CEP83: variants seen among roughly 807,000 people sequenced by gnomAD.
CEP83 encodes the protein centrosomal protein 83.
A neutral mutation model predicts 101.9 loss-of-function variants in CEP83; 70 were observed. The observed-to-expected ratio is 0.69, with a 90% CI of 0.57 to 0.84. CEP83 has a LOEUF of 0.84. CEP83 is among the 40% of genes least tolerant of loss of function. The pLI, the probability that CEP83 is intolerant of heterozygous loss-of-function variation, is 0.00. For synonymous variants in CEP83, 264 were observed against 267.9 expected (o/e 0.99, Z 0.14); for missense variants, 715 against 787.2 (o/e 0.91, Z 1.10).
intron 11 of CEP83, among the ~76,000 whole-genome samples, chr12:94,365,274 T>A (rs551728833): frequency 3.3e-5 from 5 of 152,202 alleles, no homozygotes; most frequent in Non-Finnish European, 7.3e-5. Context: ...CAATCTCATT[T>A]GTAATATGAG....
chr12:94,282,615 A>AT, the CEP83 span, among the ~76,000 whole-genome samples: 1 of 152,194 alleles, frequency 6.6e-6, no homozygotes, highest in Non-Finnish European at 1.5e-5. Flanking sequence ...TCAGAAGGCT[A>AT]TGATTTTCTA....
At chr12:94,290,850 T>G in the CEP83 span, among the ~76,000 whole-genome samples, 1 of 152,242 alleles carries the variant, frequency 6.6e-6, no homozygotes, top group Non-Finnish European at 1.5e-5. Flanking sequence ...ACTTAGCTGA[T>G]AAGGTTCAGA....
intron 4 of CEP83, among the ~76,000 whole-genome samples, chr12:94,408,590 T>A (rs115486860): frequency 2.0e-3 from 311 of 152,048 alleles, no homozygotes; most frequent in African/African-American, 6.7e-3. Context: ...ATACTAATAC[T>A]TTTTTTTGAG....
At chr12:94,417,327 A>C (rs2064354530) in intron 2 of CEP83, among the ~76,000 whole-genome samples, 1 of 152,062 alleles carries the variant, frequency 6.6e-6, no homozygotes, top group African/African-American at 2.4e-5. Context: ...TTAAAAAAAA[A>C]CAAAAACACA....
chr12:94,333,748 T>G, intron 12 of CEP83, 109 bp from the exon 13 acceptor site: 1 of 1,006,710 alleles, frequency 9.9e-7, no homozygotes, highest in Non-Finnish European at 1.5e-6. Flanking sequence ...TCCCTCAAGC[T>G]GGTGTGTCCT....
At chr12:94,328,582 G>A (rs2059072862) in intron 14 of CEP83, among the ~76,000 whole-genome samples, 1 of 152,152 alleles carries the variant, frequency 6.6e-6, no homozygotes, top group African/African-American at 2.4e-5. Flanking sequence ...TAAGAAGTCT[G>A]TTGCACTCTT....
At chr12:94,446,969 A>T (rs1342924954) in intron 1 of CEP83, among the ~76,000 whole-genome samples, 1 of 152,208 alleles carries the variant, frequency 6.6e-6, no homozygotes, top group Non-Finnish European at 1.5e-5. Flanking sequence ...CTTCACATAC[A>T]GGGCAACAAC....
intron 14 of CEP83, among the ~76,000 whole-genome samples, chr12:94,314,777 A>G (rs768892524): frequency 1.3e-5 from 2 of 152,194 alleles, no homozygotes; most frequent in African/African-American, 2.4e-5. Context: ...TTTTATCACC[A>G]TAAGTATTTA....
At chr12:94,313,527 T>TAAAAAAAAAAAA (rs58864740) in intron 14 of CEP83, among the ~76,000 whole-genome samples, 1 of 95,720 alleles carries the variant, frequency 1.0e-5, no homozygotes, top group East Asian at 2.9e-4. Flanking sequence ...AAGAACCCAT[T>TAAAAAAAAAAAA]AAAAAAAAAA....
At chr12:94,281,014 C>T in the CEP83 span, among the ~76,000 whole-genome samples, 3 of 152,172 alleles carry the variant, frequency 2.0e-5, no homozygotes, top group African/African-American at 7.2e-5. Flanking sequence ...CGTGGTGGCT[C>T]ACGCCTGTAA....
intron 2 of CEP83, among the ~76,000 whole-genome samples, chr12:94,432,169 C>T (rs1326055491): frequency 2.6e-5 from 4 of 152,014 alleles, no homozygotes; most frequent in African/African-American, 7.2e-5. Flanking sequence ...ATTCTCCTGC[C>T]TCAGCCTCCT....
At chr12:94,429,766 A>C (rs983312516) in intron 2 of CEP83, among the ~76,000 whole-genome samples, 1 of 152,204 alleles carries the variant, frequency 6.6e-6, no homozygotes, top group African/African-American at 2.4e-5. Flanking sequence ...AGCACAAGCC[A>C]AGCATGAGCT....
chr12:94,454,765 C>T (rs1357390736), intron 1 of CEP83, among the ~76,000 whole-genome samples: 2 of 150,794 alleles, frequency 1.3e-5, no homozygotes, highest in African/African-American at 4.9e-5. Context: ...AGCGAGACCA[C>T]GAACCCACCG....
intron 6 of CEP83, among the ~76,000 whole-genome samples, chr12:94,398,565 T>A (rs1053788585): frequency 1.7e-4 from 26 of 152,194 alleles, no homozygotes; most frequent in African/African-American, 5.8e-4. Flanking sequence ...GTGTTAACTG[T>A]ACAAATTTGA....
At chr12:94,344,875 C>T (rs1162045021) in intron 11 of CEP83, among the ~76,000 whole-genome samples, 1 of 151,950 alleles carries the variant, frequency 6.6e-6, no homozygotes, top group East Asian at 1.9e-4. Context: ...AGAATTTAGA[C>T]AAAAAAGAAC....
chr12:94,342,173 G>A (rs1417371544), intron 11 of CEP83, among the ~76,000 whole-genome samples: 1 of 152,160 alleles, frequency 6.6e-6, no homozygotes, highest in East Asian at 1.9e-4. Context: ...GTATACCTCT[G>A]CCTGAAGTAA....
chr12:94,445,657 A>AT (rs909408466), intron 1 of CEP83, among the ~76,000 whole-genome samples: 4 of 152,222 alleles, frequency 2.6e-5, no homozygotes, highest in Non-Finnish European at 5.9e-5. Flanking sequence ...AACAATCAAA[A>AT]TTTTTTTAAT....
At chr12:94,422,721 T>C (rs1415883673) in intron 2 of CEP83, among the ~76,000 whole-genome samples, 3 of 152,248 alleles carry the variant, frequency 2.0e-5, no homozygotes, top group African/African-American at 4.8e-5. Flanking sequence ...CGTACTCTCA[T>C]GTATTTGCCT....
intron 9 of CEP83, chr12:94,369,282 G>C (rs544138485): frequency 6.6e-6 from 1 of 151,910 alleles, no homozygotes; most frequent in Non-Finnish European, 1.5e-5. Flanking sequence ...GTGAAACGCT[G>C]TCTCTACTTA....
Sources: gnomAD v4.1 joint callset for allele counts (sites outside exome capture counted in the v4.1 genomes callset) on GRCh38, gnomAD v4.1.1 for gene constraint, MANE v1.5 for transcripts, NCBI Gene and HGNC (gene_info 2026-07-23, HGNC 2026-07-21) for gene names.